Variants in NGF observed in about 807,000 individuals in gnomAD.
The protein encoded by NGF is nerve growth factor.
In NGF, 4 loss-of-function variants were observed where a neutral mutation model predicts 12.8. That is an observed-to-expected ratio of 0.31 (90% CI 0.15 to 0.72). The LOEUF is 0.72. NGF is among the 30% of genes least tolerant of loss of function. NGF has a pLI of 0.69. For missense variants in NGF, 283 were observed against 330.8 expected (o/e 0.86, Z 1.12); for synonymous variants, 140 against 130.0 (o/e 1.08, Z -0.52).
At chr1:115,327,383 C>T (rs940355374) in intron 1 of NGF, among the ~76,000 whole-genome samples, 3 of 152,140 alleles carry the variant, frequency 2.0e-5, no homozygotes, top group Non-Finnish European at 2.9e-5. Context: ...AAAACCCCAC[C>T]CCCAAAATAT....
chr1:115,308,164 T>C (rs1486267813), intron 1 of NGF, among the ~76,000 whole-genome samples: 3 of 152,220 alleles, frequency 2.0e-5, no homozygotes, highest in Admixed American at 2.0e-4. Flanking sequence ...GTACCATCCA[T>C]AAATCTGGGA....
intron 1 of NGF, among the ~76,000 whole-genome samples, chr1:115,301,423 C>T (rs1474963364): frequency 6.6e-6 from 1 of 152,204 alleles, no homozygotes; most frequent in African/African-American, 2.4e-5. Flanking sequence ...TAGCACAGTG[C>T]CTGGCATCTA....
chr1:115,323,832 A>ATGAGTAAGTGTCCTGAGG (rs1553238167), intron 1 of NGF, among the ~76,000 whole-genome samples: 1 of 152,198 alleles, frequency 6.6e-6, no homozygotes, highest in Non-Finnish European at 1.5e-5. Flanking sequence ...AACCAGAGTT[A>ATGAGTAAGTGTCCTGAGG]TGAGTAAGTG....
chr1:115,286,951 G>A (rs1653530546), intron 2 of NGF, 144 bp from the exon 3 acceptor site: 1 of 1,037,596 alleles, frequency 9.6e-7, no homozygotes, highest in East Asian at 2.4e-5. Context: ...GGGAAAGGGT[G>A]TGCTAGCAAT....
At chr1:115,312,736 C>T (rs2101041750) in intron 1 of NGF, among the ~76,000 whole-genome samples, 1 of 152,170 alleles carries the variant, frequency 6.6e-6, no homozygotes, top group East Asian at 1.9e-4. Flanking sequence ...GGAAATAGAC[C>T]TTAATATTGA....
chr1:115,298,537 C>G (rs1198954987), intron 1 of NGF, among the ~76,000 whole-genome samples: 1 of 151,864 alleles, frequency 6.6e-6, no homozygotes, highest in Non-Finnish European at 1.5e-5. Flanking sequence ...GTGAGTTTCC[C>G]TACTCACAGA....
intron 1 of NGF, among the ~76,000 whole-genome samples, chr1:115,337,984 G>A (rs1483666230): frequency 6.6e-6 from 1 of 152,148 alleles, no homozygotes; most frequent in East Asian, 1.9e-4. Context: ...CAGAACTAAC[G>A]CTGTTCCCTC....
rs1362001654 is a variant in NGF, at chr1:115,337,291, T to G, written c.-137+913A>C. ...TGTTTTTTTTTTTTTTTTTTTTTTTTTTTTTTTTTTTTTTAGAAGGAGGTT... is the reference window on the plus strand; with the variant it reads ...TGTTTTTTTTTTTTTTTTTTTTTTTGTTTTTTTTTTTTTTAGAAGGAGGTT... On this transcript the variant is annotated intron_variant, in intron 1 of 2. Coordinates refer to ENST00000369512, the MANE Select transcript of NGF (RefSeq NM_002506.3). Among the ~76,000 whole-genome samples the G allele has an allele frequency of 6.6e-5, 9 of 135,478 alleles. 1 individual carries two copies. The highest frequency in any genetic ancestry group is 4.2e-4 in the East Asian group (2 of 4,748). The allele number at this position is 135,478 out of a possible 152,430, so 88.9% of individuals were successfully genotyped here. A position where few individuals can be genotyped will look rare whatever the true frequency, so the allele number is the denominator to read the frequency against.
chr1:115,321,413 TC>T (rs1654621133), intron 1 of NGF, among the ~76,000 whole-genome samples: 1 of 152,202 alleles, frequency 6.6e-6, no homozygotes, highest in Admixed American at 6.5e-5. Flanking sequence ...TGGGTTTTTT[TC>T]CTTCTTTTTT....
At chr1:115,289,830 C>A (rs935982402) in intron 2 of NGF, among the ~76,000 whole-genome samples, 3 of 152,158 alleles carry the variant, frequency 2.0e-5, no homozygotes, top group Admixed American at 6.5e-5. Context: ...CATACCTCTG[C>A]TTATCCCTCT....
chr1:115,326,600 G>A (rs989320877), intron 1 of NGF, among the ~76,000 whole-genome samples: 12 of 152,072 alleles, frequency 7.9e-5, no homozygotes, highest in African/African-American at 1.4e-4. Context: ...ACAAGGTTCC[G>A]CTCAATGCCT....
At chr1:115,304,292 A>AGCTGGGATT (rs1654133311) in intron 1 of NGF, among the ~76,000 whole-genome samples, 1 of 145,390 alleles carries the variant, frequency 6.9e-6, no homozygotes, top group Admixed American at 7.0e-5. Flanking sequence ...CCTCCTGAGT[A>AGCTGGGATT]GCTGGGATTA....
rs545314245 is a variant in NGF at position 115,329,332 on chromosome 1, C to T, written c.-137+8872G>A. Among the ~76,000 whole-genome samples the T allele has an allele frequency of 2.0e-4, 30 of 152,308 alleles. No individual in the cohort carries two copies. The South Asian group carries it at 5.2e-3, about 26-fold the overall frequency. ...ACACAACAGCTATACAAGAGAGAAA[C>T]TAGTCTCACCTTACAGATGAGGACA... On this transcript the variant is annotated intron_variant, in intron 1 of 2. Transcript: ENST00000369512.
At chr1:115,335,424 T>C (rs1336804748) in intron 1 of NGF, among the ~76,000 whole-genome samples, 1 of 152,224 alleles carries the variant, frequency 6.6e-6, no homozygotes, top group Non-Finnish European at 1.5e-5. Flanking sequence ...TTTCTCAAAA[T>C]GGTCCACCAC....
At chr1:115,318,435 A>C (rs1174694441) in intron 1 of NGF, among the ~76,000 whole-genome samples, 1 of 152,196 alleles carries the variant, frequency 6.6e-6, no homozygotes, top group Non-Finnish European at 1.5e-5. Flanking sequence ...CCCAGGCTCC[A>C]AGGCAGTGTC....
At chr1:115,286,829 G>T in intron 2 of NGF, 22 bp from the exon 3 acceptor site, 2 of 1,613,660 alleles carry the variant, frequency 1.2e-6, no homozygotes, top group Non-Finnish European at 1.7e-6. Context: ...AAGAAATGAG[G>T]GTGACTTCAT....
chr1:115,286,496 A>G lies in NGF; in HGVS notation c.300T>C (p.Thr100=). 2 of 1,614,088 alleles carry G rather than the reference A, an allele frequency of 1.2e-6. No homozygotes were observed. The highest frequency in any genetic ancestry group is 1.7e-6 in the Non-Finnish European group (2 of 1,180,026). Residue 100 remains threonine (T), a synonymous_variant, in exon 3 of 3, where the codon ACT becomes ACC. Transcript: ENST00000369512. Reference sequence around the variant, plus strand: ...CACCGACCTCGAAGTCCAGATCCTGAGTGTCTGCAGCTTCACGGGGAGGCT... The same window carrying G: ...CACCGACCTCGAAGTCCAGATCCTGGGTGTCTGCAGCTTCACGGGGAGGCT... ...STQPPREAAD[T]QDLDFEVGGA...
chr1:115,326,040 G>A (rs1008864427), intron 1 of NGF, among the ~76,000 whole-genome samples: 3 of 152,094 alleles, frequency 2.0e-5, no homozygotes, highest in African/African-American at 7.2e-5. Context: ...GGCTGGAAAT[G>A]AACATCCGGA....
chr1:115,319,176 C>T (rs544004881), intron 1 of NGF, among the ~76,000 whole-genome samples: 3 of 152,328 alleles, frequency 2.0e-5, no homozygotes, highest in African/African-American at 7.2e-5. Flanking sequence ...TGAGAGATGA[C>T]CAGAGAGAAG....
Sources: allele counts gnomAD v4.1 joint callset (sites outside exome capture counted in the v4.1 genomes callset), GRCh38; gene constraint gnomAD v4.1.1; transcripts MANE v1.5; gene names NCBI Gene and HGNC (gene_info 2026-07-23, HGNC 2026-07-21).